The following TTC29 variants were observed in gnomAD, a reference collection of about 807,000 sequenced individuals.
TTC29 encodes tetratricopeptide repeat domain 29, also known as tetratricopeptide repeat protein 29.
Under a neutral mutation model 58.1 loss-of-function variants are expected in TTC29, and 49 were observed. The observed-to-expected ratio is 0.84, with a 90% CI of 0.67 to 1.07. The LOEUF (loss-of-function observed/expected upper bound fraction) is 1.07, where lower values mean the gene tolerates loss of function less well. Among genes scored for constraint, TTC29 ranks in the 50% least tolerant of loss-of-function variants. TTC29 has a pLI of 0.00. For synonymous variants in TTC29, 209 were observed against 196.8 expected (o/e 1.06, Z -0.52); for missense variants, 582 against 555.6 (o/e 1.05, Z -0.48).
intron 6 of TTC29, 69 bp downstream of exon 6, chr4:146,903,475 G>GC: frequency 7.2e-7 from 1 of 1,388,300 alleles, no homozygotes; most frequent in African/African-American, 1.5e-5. Context: ...ACCACCACGT[G>GC]TTTTTCCATT....
chr4:146,817,466 A>C (rs1344689886), intron 10 of TTC29, among the ~76,000 whole-genome samples: 3 of 152,242 alleles, frequency 2.0e-5, no homozygotes, highest in Non-Finnish European at 4.4e-5. Flanking sequence ...TTCCATGCTC[A>C]TGGATAGGAA....
intron 11 of TTC29, among the ~76,000 whole-genome samples, chr4:146,729,058 G>A (rs1744131224): frequency 6.6e-6 from 1 of 151,408 alleles, no homozygotes. Context: ...GAATGTGTTG[G>A]TACATCTATT....
intron 11 of TTC29, among the ~76,000 whole-genome samples, chr4:146,802,442 T>G (rs1170651860): frequency 6.6e-6 from 1 of 152,236 alleles, no homozygotes; most frequent in Non-Finnish European, 1.5e-5. Context: ...TCTTGTTTTC[T>G]CTTACTATGG....
chr4:146,920,069 C>T (rs759675451), intron 4 of TTC29, among the ~76,000 whole-genome samples: 16 of 150,878 alleles, frequency 1.1e-4, no homozygotes, highest in South Asian at 4.2e-4. Flanking sequence ...TTATTCACCC[C>T]GCCTTTTATC....
At chr4:146,856,984 T>C (rs1238983858) in intron 8 of TTC29, among the ~76,000 whole-genome samples, 1 of 151,976 alleles carries the variant, frequency 6.6e-6, no homozygotes, top group Non-Finnish European at 1.5e-5. Flanking sequence ...TTTTATAAAC[T>C]ACCTAAAATG....
chr4:146,758,805 C>T (rs1746648628), intron 11 of TTC29, among the ~76,000 whole-genome samples: 1 of 151,972 alleles, frequency 6.6e-6, no homozygotes. Context: ...ACAATAATGA[C>T]ACAACCTATC....
chr4:146,805,766 G>A (rs952088612), intron 10 of TTC29, among the ~76,000 whole-genome samples: 1 of 152,242 alleles, frequency 6.6e-6, no homozygotes, highest in African/African-American at 2.4e-5. Flanking sequence ...TTTGATTGGT[G>A]TACCTGAAAG....
intron 11 of TTC29, among the ~76,000 whole-genome samples, chr4:146,732,889 C>G (rs767187081): frequency 6.6e-6 from 1 of 152,154 alleles, no homozygotes; most frequent in Non-Finnish European, 1.5e-5. Flanking sequence ...TCAAGACCAC[C>G]TGTCATAACT....
chr4:146,775,929 C>T (rs1748059827), intron 11 of TTC29, among the ~76,000 whole-genome samples: 1 of 152,182 alleles, frequency 6.6e-6, no homozygotes, highest in South Asian at 2.1e-4. Flanking sequence ...TCCCATATTT[C>T]TCAAATGGTC....
At chr4:146,862,251 TTATATATA>T (rs113005790) in intron 8 of TTC29, among the ~76,000 whole-genome samples, 1 of 147,090 alleles carries the variant, frequency 6.8e-6, no homozygotes, top group Non-Finnish European at 1.5e-5. Context: ...TATTTTATCA[TTATATATA>T]TATATATATA....
At chr4:146,713,347 G>T (rs1389748178) in intron 11 of TTC29, among the ~76,000 whole-genome samples, 1 of 151,180 alleles carries the variant, frequency 6.6e-6, no homozygotes, top group Non-Finnish European at 1.5e-5. Flanking sequence ...TGCATTCATG[G>T]CTTTCTCATC....
At chr4:146,812,378 TTA>T (rs1396047209) in intron 10 of TTC29, among the ~76,000 whole-genome samples, 2 of 152,318 alleles carry the variant, frequency 1.3e-5, no homozygotes, top group South Asian at 2.1e-4. Flanking sequence ...CCAGTTATTT[TTA>T]TATGTTATTA....
chr4:146,727,397 G>A (rs1743877866), intron 11 of TTC29, among the ~76,000 whole-genome samples: 1 of 152,114 alleles, frequency 6.6e-6, no homozygotes, highest in Non-Finnish European at 1.5e-5. Context: ...CACTTTTGGT[G>A]TTACACATTC....
intron 9 of TTC29, among the ~76,000 whole-genome samples, chr4:146,829,257 C>A (rs913040073): frequency 6.6e-6 from 1 of 152,206 alleles, no homozygotes; most frequent in Admixed American, 6.5e-5. Flanking sequence ...ACCGTTAACA[C>A]CCACGTCCCT....
intron 8 of TTC29, among the ~76,000 whole-genome samples, chr4:146,856,708 TTAA>T (rs1321327782): frequency 6.6e-6 from 1 of 150,532 alleles, no homozygotes; most frequent in Non-Finnish European, 1.5e-5. Flanking sequence ...TAAAATATTA[TTAA>T]TATGTAAAAA....
At chr4:146,747,521 A>G (rs1195700399) in intron 11 of TTC29, among the ~76,000 whole-genome samples, 1 of 152,146 alleles carries the variant, frequency 6.6e-6, no homozygotes, top group Non-Finnish European at 1.5e-5. Context: ...CACCCCTGGG[A>G]ACATGGAGAC....
intron 6 of TTC29, among the ~76,000 whole-genome samples, chr4:146,878,077 G>C (rs1731393604): frequency 6.6e-6 from 1 of 152,104 alleles, no homozygotes; most frequent in African/African-American, 2.4e-5. Flanking sequence ...TGAGTCTTGG[G>C]TTGCTGTTAG....
At chr4:146,779,684 A>C (rs17021926) in intron 11 of TTC29, among the ~76,000 whole-genome samples, 8,678 of 152,208 alleles carry the variant, frequency 0.057, 857 homozygotes, top group African/African-American at 0.2. Context: ...TATCTGGCTG[A>C]GTCTGGGCAC....
intron 11 of TTC29, among the ~76,000 whole-genome samples, chr4:146,747,520 G>C (rs147365274): frequency 1.3e-5 from 2 of 152,158 alleles, no homozygotes; most frequent in African/African-American, 4.8e-5. Context: ...CCACCCCTGG[G>C]AACATGGAGA....
Sources: allele counts gnomAD v4.1 joint callset (sites outside exome capture counted in the v4.1 genomes callset), GRCh38; gene constraint gnomAD v4.1.1; transcripts MANE v1.5; gene names NCBI Gene and HGNC (gene_info 2026-07-23, HGNC 2026-07-21).